PGBD5: variants seen among roughly 807,000 people sequenced by gnomAD.
PGBD5 encodes piggyBac transposable element-derived protein 5.
In PGBD5, 14 loss-of-function variants were observed where a neutral mutation model predicts 47.9. That is an observed-to-expected ratio of 0.29 (90% CI 0.19 to 0.46). The LOEUF is 0.46. Among genes scored for constraint, PGBD5 ranks in the 20% least tolerant of loss-of-function variants. The pLI is 1.00. For missense variants in PGBD5, 635 were observed against 716.0 expected (o/e 0.89, Z 1.29); for synonymous variants, 316 against 306.3 (o/e 1.03, Z -0.33).
intron 3 of PGBD5, among the ~76,000 whole-genome samples, chr1:230,341,631 G>C (rs761370084): frequency 2.6e-5 from 4 of 152,168 alleles, no homozygotes; most frequent in Non-Finnish European, 5.9e-5. Flanking sequence ...CATTCACTTA[G>C]ATGTGTGACT....
In PGBD5 at chr1:230,335,863, A is replaced by G. The variant is rs1236300149; in HGVS notation, c.1075+1245T>C. The stretch of plus-strand genomic sequence containing the variant: ...CACACACAGACACACAGATACACAC[A>G]CAGATGCATACACGGACACACAGAT... On this transcript the variant is annotated intron_variant, in intron 4 of 6. Coordinates refer to ENST00000391860, the MANE Select transcript of PGBD5 (RefSeq NM_001258311.2). Among the ~76,000 whole-genome samples, 2 of 5,724 alleles carry G rather than the reference A, an allele frequency of 3.5e-4. 1 individual carries two copies. The highest frequency in any genetic ancestry group is 4.3e-4 in the African/African-American group (2 of 4,696). 3.8% of individuals were successfully genotyped at this position (5,724 alleles called of 152,430 possible). A position where few individuals can be genotyped will look rare whatever the true frequency, so the allele number is the denominator to read the frequency against.
chr1:230,326,176 G>C (rs1228109027), intron 5 of PGBD5, among the ~76,000 whole-genome samples: 1 of 152,212 alleles, frequency 6.6e-6, no homozygotes, highest in African/African-American at 2.4e-5. Context: ...CCAGCACTTT[G>C]GGAGGCCAAG....
In PGBD5 at chr1:230,343,586, A is replaced by G. The variant is rs560295009; in HGVS notation, c.895-6298T>C. ...TCCCATCCTCAACTTACCGTGTCCAACCTGGACAGGATCTCATGCCAGCAT... is the reference window on the plus strand; with the variant it reads ...TCCCATCCTCAACTTACCGTGTCCAGCCTGGACAGGATCTCATGCCAGCAT... On this transcript the variant is annotated intron_variant, in intron 3 of 6. Transcript: ENST00000391860. Among the ~76,000 whole-genome samples the G allele has an allele frequency of 5.3e-4, 80 of 152,276 alleles. 1 individual carries two copies. The highest frequency in any genetic ancestry group is 1.7e-3 in the African/African-American group (72 of 41,548).
At chr1:230,369,035 C>T (rs1310623464) in intron 1 of PGBD5, among the ~76,000 whole-genome samples, 1 of 152,168 alleles carries the variant, frequency 6.6e-6, no homozygotes, top group Non-Finnish European at 1.5e-5. Context: ...AAGGAAGTGG[C>T]ACAAGCCCTG....
chr1:230,333,675 T>C (rs1667258526), intron 4 of PGBD5, among the ~76,000 whole-genome samples: 2 of 152,188 alleles, frequency 1.3e-5, no homozygotes, highest in Non-Finnish European at 2.9e-5. Context: ...GGAGCTATAT[T>C]TGATGCGAAG....
chr1:230,323,278 C>T lies in PGBD5; in HGVS notation c.*147G>A. The T allele has an allele frequency of 2.3e-6, 2 of 851,234 alleles. No homozygotes were observed. The highest frequency in any genetic ancestry group is 1.8e-5 in the South Asian group (1 of 56,700). The allele number at this position is 851,234 out of a possible 1,614,324, so 52.7% of individuals were successfully genotyped here. ...ACAGCAACCGTCCTCTGACCAGGTC[C>T]ATCCTGTCCCTCCAGAGGCCCTGTG... On this transcript the variant is annotated 3_prime_UTR_variant, in exon 7 of 7. Transcript: ENST00000391860. The surrounding 1 kb of genome is among the most constrained non-coding windows in gnomAD (Gnocchi z 4.1).
At chr1:230,368,040 G>T (rs1371967043) in intron 1 of PGBD5, 1 of 1,367,906 alleles carries the variant, frequency 7.3e-7, no homozygotes, top group Admixed American at 1.9e-5. Flanking sequence ...AGGCAGGAAT[G>T]AATACTCCCT....
At chr1:230,361,208 G>A (rs945586589) in intron 1 of PGBD5, among the ~76,000 whole-genome samples, 9 of 152,160 alleles carry the variant, frequency 5.9e-5, no homozygotes, top group African/African-American at 1.2e-4. Context: ...CATGTGTTGC[G>A]GGGGATAACG....
chr1:230,371,805 C>T (rs1369165634), intron 1 of PGBD5, among the ~76,000 whole-genome samples: 1 of 152,232 alleles, frequency 6.6e-6, no homozygotes, highest in East Asian at 1.9e-4. Context: ...CACTCAACAT[C>T]ATCTACCGAG....
Position 230,323,371 on chromosome 1 carries a change from C to T in PGBD5, c.*54G>A, listed in dbSNP as rs745648424. 4 of 1,566,266 alleles carry T rather than the reference C, an allele frequency of 2.6e-6. No homozygotes were observed. The highest frequency in any genetic ancestry group is 2.4e-5 in the South Asian group (2 of 82,428). Reference sequence around the variant, plus strand: ...GTCTCTGATGGGCAAGTTGGAACGGCAGGCTCTCCTCCTCCTCTTGCCCCT... The same window carrying T: ...GTCTCTGATGGGCAAGTTGGAACGGTAGGCTCTCCTCCTCCTCTTGCCCCT... On this transcript the variant is annotated 3_prime_UTR_variant, in exon 7 of 7. Transcript: ENST00000391860. This position sits in a 1 kb window ranked among gnomAD's most constrained non-coding sequence, Gnocchi z 4.1.
intron 1 of PGBD5, among the ~76,000 whole-genome samples, chr1:230,420,461 C>T (rs1043486791): frequency 2.6e-5 from 4 of 152,142 alleles, no homozygotes; most frequent in Non-Finnish European, 5.9e-5. Flanking sequence ...TGTCCCCACC[C>T]AAATCTCACC....
intron 1 of PGBD5, among the ~76,000 whole-genome samples, chr1:230,420,839 T>C (rs1657629975): frequency 6.6e-6 from 1 of 152,184 alleles, no homozygotes; most frequent in South Asian, 2.1e-4. Flanking sequence ...AAAATGAATA[T>C]ATGTAACCTG....
At chr1:230,414,871 G>A (rs1657483234) in intron 1 of PGBD5, among the ~76,000 whole-genome samples, 1 of 152,160 alleles carries the variant, frequency 6.6e-6, no homozygotes. Context: ...AGAACCTCAC[G>A]TCTTCATGTG....
intron 1 of PGBD5, among the ~76,000 whole-genome samples, chr1:230,358,933 C>G (rs772118404): frequency 3.9e-4 from 59 of 152,166 alleles, no homozygotes; most frequent in African/African-American, 1.3e-3. Flanking sequence ...AAGCATGACT[C>G]TGTGTGTGTA....
chr1:230,419,150 A>G (rs565177193), intron 1 of PGBD5, among the ~76,000 whole-genome samples: 1 of 152,232 alleles, frequency 6.6e-6, no homozygotes. Flanking sequence ...AAGACACAGA[A>G]TCAACCCAGG....
chr1:230,339,994 C>T (rs895874322), intron 3 of PGBD5, among the ~76,000 whole-genome samples: 2 of 152,128 alleles, frequency 1.3e-5, no homozygotes, highest in Non-Finnish European at 2.9e-5. Context: ...TAAGTGTTCT[C>T]ACCACAAAAA....
At chr1:230,360,808 A>T (rs748346894) in intron 1 of PGBD5, among the ~76,000 whole-genome samples, 1 of 152,232 alleles carries the variant, frequency 6.6e-6, no homozygotes, top group Non-Finnish European at 1.5e-5. Context: ...ACTTAATCAC[A>T]GGACCATTGA....
intron 1 of PGBD5, among the ~76,000 whole-genome samples, chr1:230,387,675 G>C (rs1298590768): frequency 2.0e-5 from 3 of 152,084 alleles, no homozygotes; most frequent in Non-Finnish European, 4.4e-5. Flanking sequence ...GTGGTGATTC[G>C]GGTTAAGGAG....
At chr1:230,337,310 G>A (rs1320790056) in intron 3 of PGBD5, 22 bp from the exon 4 acceptor site, 3 of 1,585,756 alleles carry the variant, frequency 1.9e-6, no homozygotes, top group Non-Finnish European at 2.6e-6. Flanking sequence ...ACACACAGAG[G>A]TTAGCGTGCT....
Sources: gnomAD v4.1 joint callset for allele counts (sites outside exome capture counted in the v4.1 genomes callset) on GRCh38, gnomAD v4.1.1 for gene constraint, Gnocchi (gnomAD v3.1) non-coding constraint, MANE v1.5 for transcripts, NCBI Gene and HGNC (gene_info 2026-07-23, HGNC 2026-07-21) for gene names.